Variants in PTPRK observed in about 807,000 individuals in gnomAD.
PTPRK encodes protein tyrosine phosphatase receptor type K.
A neutral mutation model predicts 178.0 loss-of-function variants in PTPRK; 75 were observed. The ratio of observed to expected loss-of-function variants is 0.42; its 90% CI spans 0.35 to 0.51. The LOEUF is 0.51. PTPRK is among the 20% of genes least tolerant of loss of function. The probability of loss-of-function intolerance (pLI) is 0.02; values close to 1 mark genes in which losing one functional copy is unlikely to be tolerated. For synonymous variants in PTPRK, 637 were observed against 620.6 expected, an observed-to-expected ratio of 1.03 and a Z score of -0.39; for missense variants, 1,441 against 1,797.8, an observed-to-expected ratio of 0.80 and a Z score of 3.59.
intron 13 of PTPRK, among the ~76,000 whole-genome samples, chr6:128,058,860 T>G (rs1174866491): frequency 6.6e-6 from 1 of 151,996 alleles, no homozygotes. Flanking sequence ...TTTTATATAG[T>G]GTGAGTTAGG....
intron 7 of PTPRK, among the ~76,000 whole-genome samples, chr6:128,104,118 CCTT>C (rs2114285846): frequency 1.3e-5 from 2 of 152,324 alleles, no homozygotes; most frequent in South Asian, 4.1e-4. Context: ...TCAAATGTCA[CCTT>C]CTTAATGAAG....
At chr6:128,353,156 A>T (rs1833423998) in intron 2 of PTPRK, among the ~76,000 whole-genome samples, 1 of 152,248 alleles carries the variant, frequency 6.6e-6, no homozygotes, top group South Asian at 2.1e-4. Flanking sequence ...AGAGAAACGC[A>T]AACTAAAATT....
At chr6:128,274,357 T>C (rs920353329) in intron 3 of PTPRK, among the ~76,000 whole-genome samples, 3 of 152,222 alleles carry the variant, frequency 2.0e-5, no homozygotes, top group East Asian at 1.9e-4. Flanking sequence ...AACCCTCACA[T>C]TCTCTAAAAT....
intron 5 of PTPRK, chr6:128,238,211 A>G (rs1286439506): frequency 2.5e-6 from 1 of 407,566 alleles, no homozygotes; most frequent in Admixed American, 3.2e-5. Context: ...AAGAAAAGAA[A>G]AAAAAAAGAG....
At chr6:128,203,875 T>A (rs865915113) in intron 6 of PTPRK, among the ~76,000 whole-genome samples, 1 of 152,166 alleles carries the variant, frequency 6.6e-6, no homozygotes, top group African/African-American at 2.4e-5. Context: ...TTCAATAGCA[T>A]TCCCATTAGA....
intron 7 of PTPRK, among the ~76,000 whole-genome samples, chr6:128,116,268 T>C (rs966047004): frequency 6.6e-6 from 1 of 152,138 alleles, no homozygotes; most frequent in Admixed American, 6.5e-5. Flanking sequence ...TCTATGCTTC[T>C]TATCTTTATT....
chr6:128,235,075 T>C (rs1812983838), intron 5 of PTPRK, among the ~76,000 whole-genome samples: 2 of 152,164 alleles, frequency 1.3e-5, no homozygotes, highest in South Asian at 2.1e-4. Context: ...ATTACCCTAA[T>C]TGGATCATTA....
chr6:128,119,780 T>C (rs1173323737), intron 7 of PTPRK, among the ~76,000 whole-genome samples: 1 of 152,024 alleles, frequency 6.6e-6, no homozygotes, highest in Admixed American at 6.6e-5. Flanking sequence ...GCTTCAAAAA[T>C]ATTTATGCTA....
chr6:128,473,393 A>G (rs1850958409), intron 1 of PTPRK, among the ~76,000 whole-genome samples: 1 of 140,062 alleles, frequency 7.1e-6, no homozygotes, highest in Admixed American at 7.3e-5. Flanking sequence ...TTTTTCCACT[A>G]TATGGTTACT....
intron 6 of PTPRK, among the ~76,000 whole-genome samples, chr6:128,205,311 T>C (rs1258180927): frequency 6.6e-6 from 1 of 151,680 alleles, no homozygotes; most frequent in East Asian, 1.9e-4. Context: ...GCTAATGGAT[T>C]CTGAGCTTAA....
chr6:128,505,039 C>T (rs185897147), intron 1 of PTPRK, among the ~76,000 whole-genome samples: 2 of 150,412 alleles, frequency 1.3e-5, no homozygotes, highest in East Asian at 3.9e-4. Context: ...TTTGTTAATG[C>T]TCCTTTTATT....
At chr6:128,510,235 A>T (rs1856971052) in intron 1 of PTPRK, among the ~76,000 whole-genome samples, 1 of 152,146 alleles carries the variant, frequency 6.6e-6, no homozygotes, top group Admixed American at 6.6e-5. Context: ...GTGCCTGGAG[A>T]CTATCCCCTG....
chr6:128,455,941 G>C (rs1226299558), intron 1 of PTPRK, among the ~76,000 whole-genome samples: 1 of 151,982 alleles, frequency 6.6e-6, no homozygotes, highest in Non-Finnish European at 1.5e-5. Flanking sequence ...GTTCATCTAA[G>C]AGCCATATAA....
chr6:128,248,590 A>C (rs2128287806), intron 3 of PTPRK, among the ~76,000 whole-genome samples: 1 of 152,338 alleles, frequency 6.6e-6, no homozygotes, highest in Middle Eastern at 3.4e-3. Context: ...ATACTGGCCA[A>C]ATACTACATA....
At chr6:128,113,384 AAATTATAT>A (rs1790984128) in intron 7 of PTPRK, among the ~76,000 whole-genome samples, 1 of 149,456 alleles carries the variant, frequency 6.7e-6, no homozygotes. Flanking sequence ...TATATATAAG[AAATTATAT>A]ATATAAAATA....
At chr6:128,360,677 A>T (rs575392896) in intron 2 of PTPRK, among the ~76,000 whole-genome samples, 1 of 151,998 alleles carries the variant, frequency 6.6e-6, no homozygotes, top group East Asian at 1.9e-4. Context: ...CTAATGTGTG[A>T]CTCCCTTCAT....
At chr6:128,289,708 G>A (rs367607826) in intron 3 of PTPRK, among the ~76,000 whole-genome samples, 13 of 152,034 alleles carry the variant, frequency 8.6e-5, no homozygotes, top group African/African-American at 2.2e-4. Flanking sequence ...CTTTGCCACC[G>A]TAATATACTT....
chr6:128,501,471 A>G (rs560341471), intron 1 of PTPRK, among the ~76,000 whole-genome samples: 5 of 152,184 alleles, frequency 3.3e-5, no homozygotes, highest in African/African-American at 9.6e-5. Flanking sequence ...CAATCTGCCA[A>G]TTTCAAGAAC....
chr6:128,108,988 C>T (rs930748769), intron 7 of PTPRK, among the ~76,000 whole-genome samples: 3 of 152,056 alleles, frequency 2.0e-5, no homozygotes, highest in African/African-American at 4.8e-5. Context: ...AATGCCATCT[C>T]AATGGAGTAG....
Sources: gnomAD v4.1 joint callset for allele counts (sites outside exome capture counted in the v4.1 genomes callset) on GRCh38, gnomAD v4.1.1 for gene constraint, MANE v1.5 for transcripts, NCBI Gene and HGNC (gene_info 2026-07-23, HGNC 2026-07-21) for gene names.